ADAMTS17: variants seen among roughly 807,000 people sequenced by gnomAD.
ADAMTS17 encodes A disintegrin and metalloproteinase with thrombospondin motifs 17.
A neutral mutation model predicts 141.5 loss-of-function variants in ADAMTS17; 113 were observed. The observed-to-expected ratio is 0.80, with a 90% CI of 0.69 to 0.93. The LOEUF (loss-of-function observed/expected upper bound fraction) is 0.93. Ranked by LOEUF, ADAMTS17 falls within the 40% of genes least tolerant of loss-of-function variation. The pLI is 0.00. For synonymous variants in ADAMTS17, 768 were observed against 630.6 expected (o/e 1.22, Z -3.27); for missense variants, 1,659 against 1,517.9 (o/e 1.09, Z -1.54).
At chr15:100,024,193 A>C (rs1345680334) in intron 18 of ADAMTS17, among the ~76,000 whole-genome samples, 6 of 152,158 alleles carry the variant, frequency 3.9e-5, no homozygotes, top group Non-Finnish European at 5.9e-5. Flanking sequence ...CCTGGGCTCA[A>C]GCAATTCTCC....
intron 7 of ADAMTS17, among the ~76,000 whole-genome samples, chr15:100,246,895 A>ATTTATTTATTTAT (rs1451015313): frequency 2.7e-5 from 4 of 150,312 alleles, no homozygotes; most frequent in African/African-American, 9.9e-5. Flanking sequence ...TTATTTATTT[A>ATTTATTTATTTAT]TTTTTTGAGA....
At chr15:100,263,790 G>T (rs945369851) in intron 4 of ADAMTS17, among the ~76,000 whole-genome samples, 1 of 152,244 alleles carries the variant, frequency 6.6e-6, no homozygotes, top group African/African-American at 2.4e-5. Flanking sequence ...CATAACCCAG[G>T]AGGGAGAATT....
In ADAMTS17 at chr15:100,331,374, C is replaced by T. The variant is rs745964; in HGVS notation, c.451-320G>A. Among the ~76,000 whole-genome samples, 14,063 of 152,172 alleles carry T rather than the reference C, an allele frequency of 0.092. 1,115 individuals carry two copies. Among genetic ancestry groups the T allele is most frequent in the Admixed American group, 0.25 (3,776 of 15,294 alleles). On this transcript the variant is annotated intron_variant, in intron 2 of 21. Transcript: ENST00000268070. ...TTTAAAATTATTTTTTAAGTTACTT[C>T]AAAAATCATCCCCCCAAAAGTCCAC...
At chr15:100,133,390 G>A (rs1446881361) in intron 10 of ADAMTS17, 75 bp from the exon 11 acceptor site, 4 of 1,429,342 alleles carry the variant, frequency 2.8e-6, no homozygotes, top group Middle Eastern at 1.7e-4. Flanking sequence ...TCAGAGGTGT[G>A]GCCCAACCAC....
rs115540910 is a variant in ADAMTS17, at chr15:100,192,981, A to G, written c.1181+6337T>C. 4.0e-3 allele frequency among the ~76,000 whole-genome samples: 615 copies of G among 152,274 alleles called. 3 individuals are homozygous for G. Among genetic ancestry groups the G allele is most frequent in the African/African-American group, 0.014 (587 of 41,540 alleles). ...CTGCAGGCCAGGCAAGCACGTGCCT[A>G]GTCAATGTGGCATCCTTCCCGACGT... On this transcript the variant is annotated intron_variant, in intron 8 of 21. Coordinates refer to ENST00000268070, the MANE Select transcript of ADAMTS17 (RefSeq NM_139057.4).
chr15:99,984,811 T>C (rs189738669), intron 20 of ADAMTS17, among the ~76,000 whole-genome samples: 50 of 152,360 alleles, frequency 3.3e-4, no homozygotes, highest in African/African-American at 1.1e-3. Context: ...ACCAGCCACA[T>C]GCAGGCAGTG....
chr15:100,166,129 T>A (rs75132060), intron 8 of ADAMTS17, among the ~76,000 whole-genome samples: 2,618 of 152,332 alleles, frequency 0.017, 70 homozygotes, highest in African/African-American at 0.058. Context: ...TTAGTTTGCA[T>A]CATGACGGTC....
rs79745786 is a variant in ADAMTS17, at chr15:100,251,030, G to A, written c.1075+3106C>T. 9.8e-3 allele frequency among the ~76,000 whole-genome samples: 1,485 copies of A among 152,158 alleles called. 19 individuals carry two copies. The highest frequency in any genetic ancestry group is 0.017 in the Middle Eastern group (5 of 294). On this transcript the variant is annotated intron_variant, in intron 7 of 21. Transcript: ENST00000268070. ...TTAATCATTTGTACAAGCAAAATAT[G>A]ACACGTTAAGAGAAACATATACTAA...
At chr15:100,053,386 A>G (rs1224928192) in intron 16 of ADAMTS17, among the ~76,000 whole-genome samples, 1 of 152,186 alleles carries the variant, frequency 6.6e-6, no homozygotes, top group Admixed American at 6.5e-5. Context: ...GAATACCCAC[A>G]TCATCTGATC....
intron 15 of ADAMTS17, among the ~76,000 whole-genome samples, chr15:100,076,292 C>A (rs1172242700): frequency 6.6e-6 from 1 of 152,106 alleles, no homozygotes; most frequent in Non-Finnish European, 1.5e-5. Flanking sequence ...ATCCACCTGC[C>A]CCGGCCTCCC....
chr15:100,241,441 C>T (rs2042824363), intron 7 of ADAMTS17, among the ~76,000 whole-genome samples: 1 of 152,232 alleles, frequency 6.6e-6, no homozygotes, highest in Non-Finnish European at 1.5e-5. Flanking sequence ...GAAACACACA[C>T]TAGCACTTCT....
intron 10 of ADAMTS17, among the ~76,000 whole-genome samples, chr15:100,143,805 C>G (rs2038770701): frequency 6.6e-6 from 1 of 152,252 alleles, no homozygotes; most frequent in African/African-American, 2.4e-5. Context: ...GAAGCCTAGA[C>G]TGCTCCTAAA....
chr15:100,184,819 C>G (rs76716127), intron 8 of ADAMTS17, among the ~76,000 whole-genome samples: 16,975 of 151,956 alleles, frequency 0.11, 1,162 homozygotes, highest in East Asian at 0.29. Context: ...CTTCTGGGGG[C>G]CCTTCCAGAG....
chr15:100,122,203 T>A (rs2037485739), intron 12 of ADAMTS17, among the ~76,000 whole-genome samples: 1 of 152,208 alleles, frequency 6.6e-6, no homozygotes, highest in Non-Finnish European at 1.5e-5. Context: ...CTTCCTGTAT[T>A]CTTTAGAGTT....
chr15:100,056,846 G>A (rs2032615228), intron 15 of ADAMTS17, among the ~76,000 whole-genome samples: 1 of 152,154 alleles, frequency 6.6e-6, no homozygotes, highest in African/African-American at 2.4e-5. Flanking sequence ...TGCTCCCAGG[G>A]AGCTCACAGT....
rs2032371127 is a variant in ADAMTS17 at position 100,054,154 on chromosome 15, C to T, written c.2138-100G>A. The T allele has an allele frequency of 4.4e-6, 6 of 1,367,286 alleles. No individual in the cohort carries two copies. In the African/African-American group the frequency reaches 5.7e-5, roughly 13 times the overall value. 84.7% of individuals were successfully genotyped at this position (1,367,286 alleles called of 1,614,324 possible). On this transcript the variant is annotated intron_variant, in intron 15 of 21. Transcript: ENST00000268070. ...TACAGCCCCTGAGTGGGGCAGAGGT[C>T]TCCCTTCCACAGGGGGAAGGAGGGA...
At chr15:100,300,506 C>T (rs983111141) in intron 3 of ADAMTS17, among the ~76,000 whole-genome samples, 1 of 152,204 alleles carries the variant, frequency 6.6e-6, no homozygotes, top group Non-Finnish European at 1.5e-5. Context: ...CACTGGATTA[C>T]CAAGAGGACA....
At chr15:100,055,701 G>A (rs1422173411) in intron 15 of ADAMTS17, among the ~76,000 whole-genome samples, 1 of 152,190 alleles carries the variant, frequency 6.6e-6, no homozygotes, top group African/African-American at 2.4e-5. Flanking sequence ...GCTATGAAAA[G>A]GAGGTGAGAA....
chr15:100,027,150 T>C (rs1361118617), intron 18 of ADAMTS17, among the ~76,000 whole-genome samples: 2 of 152,210 alleles, frequency 1.3e-5, no homozygotes, highest in Admixed American at 6.5e-5. Flanking sequence ...TCCTAATCTT[T>C]TACTACCTGG....
Sources: gnomAD v4.1 joint callset for allele counts (sites outside exome capture counted in the v4.1 genomes callset) on GRCh38, gnomAD v4.1.1 for gene constraint, MANE v1.5 for transcripts, NCBI Gene and HGNC (gene_info 2026-07-23, HGNC 2026-07-21) for gene names.